CRADD: variants seen among roughly 807,000 people sequenced by gnomAD.
CRADD encodes CARD and death domain containing adaptor protein.
In CRADD, 9 loss-of-function variants were observed where a neutral mutation model predicts 15.5. The observed-to-expected ratio is 0.58, with a 90% confidence interval of 0.35 to 1.01. CRADD has a LOEUF of 1.01. Among genes scored for constraint, CRADD ranks in the 50% least tolerant of loss-of-function variants. The probability of loss-of-function intolerance (pLI) is 0.02; values close to 1 mark genes in which losing one functional copy is unlikely to be tolerated. For synonymous variants in CRADD, 118 were observed against 107.6 expected (o/e 1.10, Z -0.60); for missense variants, 227 against 250.3 (o/e 0.91, Z 0.63).
chr12:93,792,568 C>T (rs1237727793), intron 2 of CRADD, among the ~76,000 whole-genome samples: 2 of 152,118 alleles, frequency 1.3e-5, no homozygotes, highest in Admixed American at 1.3e-4. Flanking sequence ...TCTCTCAGAA[C>T]CCTGGTGTCA....
In CRADD at chr12:93,729,624, A is replaced by G. The variant is rs181553600; in HGVS notation, c.298+50552A>G. ...AACATGGAGAAACCCCATCTCTACT[A>G]AAAATACAGAATTACCCTGGCGTGG... On this transcript the variant is annotated intron_variant, in intron 2 of 2. Transcript: ENST00000332896. 5.9e-5 allele frequency among the ~76,000 whole-genome samples: 9 copies of G among 152,116 alleles called. No individual in the cohort carries two copies. The East Asian group carries it at 1.5e-3, about 26-fold the overall frequency.
At chr12:93,736,580 G>A (rs1279020026) in intron 2 of CRADD, among the ~76,000 whole-genome samples, 1 of 152,214 alleles carries the variant, frequency 6.6e-6, no homozygotes, top group Non-Finnish European at 1.5e-5. Context: ...TATGATAAAT[G>A]TTGGTAAATC....
chr12:93,728,444 G>A (rs1956407182), intron 2 of CRADD, among the ~76,000 whole-genome samples: 1 of 152,170 alleles, frequency 6.6e-6, no homozygotes, highest in African/African-American at 2.4e-5. Context: ...TAGTAAATAC[G>A]TCAATATCAC....
chr12:93,874,888 A>T (rs1173004516), intron 2 of CRADD, among the ~76,000 whole-genome samples: 1 of 152,106 alleles, frequency 6.6e-6, no homozygotes, highest in Admixed American at 6.5e-5. Context: ...AAAAACGTGT[A>T]TTCTGTAGCC....
intron 2 of CRADD, among the ~76,000 whole-genome samples, chr12:93,818,299 T>C (rs1404535691): frequency 1.3e-5 from 2 of 152,200 alleles, no homozygotes; most frequent in Admixed American, 6.5e-5. Flanking sequence ...TAAGTATTTA[T>C]ATTTGAAGAA....
chr12:93,774,568 G>C (rs533282463), intron 2 of CRADD, among the ~76,000 whole-genome samples: 4 of 152,182 alleles, frequency 2.6e-5, no homozygotes, highest in Non-Finnish European at 4.4e-5. Flanking sequence ...GAGGTGGGAG[G>C]GGGGTTAAGG....
At chr12:93,779,861 T>C (rs1427653062) in intron 2 of CRADD, among the ~76,000 whole-genome samples, 1 of 152,172 alleles carries the variant, frequency 6.6e-6, no homozygotes, top group South Asian at 2.1e-4. Context: ...AGTGCTGGGA[T>C]TACAGGCATG....
At chr12:93,852,507 C>A (rs1392864917), downstream of CRADD, among the ~76,000 whole-genome samples, 1 of 152,356 alleles carries the variant, frequency 6.6e-6, no homozygotes, top group East Asian at 1.9e-4. Flanking sequence ...GTGTCTTCAC[C>A]ACCAAATGGC....
intron 2 of CRADD, among the ~76,000 whole-genome samples, chr12:93,816,780 G>A (rs1377617683): frequency 6.6e-6 from 1 of 152,196 alleles, no homozygotes; most frequent in Non-Finnish European, 1.5e-5. Context: ...GACAATGGAT[G>A]GGGAACGGGG....
chr12:93,722,890 G>T (rs1205805493), intron 2 of CRADD, among the ~76,000 whole-genome samples: 1 of 152,102 alleles, frequency 6.6e-6, no homozygotes, highest in Non-Finnish European at 1.5e-5. Context: ...TTTCTTGATA[G>T]CTGGGCATGA....
chr12:93,750,206 CT>C lies in CRADD; in HGVS notation c.298+71139del, dbSNP rs561491301. 4.2e-3 allele frequency among the ~76,000 whole-genome samples: 564 copies of C among 133,160 alleles called. 3 individuals carry two copies. The highest frequency in any genetic ancestry group is 0.014 in the African/African-American group (503 of 34,722). The allele number at this position is 133,160 out of a possible 152,430, so 87.4% of individuals were successfully genotyped here. A position where few individuals can be genotyped will look rare whatever the true frequency, so the allele number is the denominator to read the frequency against. On this transcript the variant is annotated intron_variant, in intron 2 of 2. Coordinates refer to ENST00000332896, the MANE Select transcript of CRADD (RefSeq NM_003805.5). Reference sequence around the variant, plus strand: ...ACCTCAGATCCAGCCTCTATTCTGGCTTTTTAGTAGGCGAGTTCTTCAAGGG... The same window carrying C: ...ACCTCAGATCCAGCCTCTATTCTGGCTTTTAGTAGGCGAGTTCTTCAAGGG...
intron 2 of CRADD, among the ~76,000 whole-genome samples, chr12:93,730,403 G>A (rs1323573690): frequency 6.6e-6 from 1 of 152,220 alleles, no homozygotes; most frequent in Admixed American, 6.5e-5. Flanking sequence ...CATAGCCAGG[G>A]AAGATCAGAG....
intron 1 of CRADD, among the ~76,000 whole-genome samples, chr12:93,678,283 G>T (rs1400987181): frequency 1.3e-5 from 2 of 152,178 alleles, no homozygotes; most frequent in Non-Finnish European, 2.9e-5. Context: ...TACTGATCAG[G>T]TTTTGCAAAT....
At chr12:93,839,761 G>A (rs1958026202) in intron 2 of CRADD, among the ~76,000 whole-genome samples, 1 of 152,030 alleles carries the variant, frequency 6.6e-6, no homozygotes, top group Non-Finnish European at 1.5e-5. Flanking sequence ...GTTTCCTGTG[G>A]AGGTTCTTAC....
chr12:93,770,660 G>A (rs2136960249), intron 2 of CRADD, among the ~76,000 whole-genome samples: 1 of 152,246 alleles, frequency 6.6e-6, no homozygotes, highest in Non-Finnish European at 1.5e-5. Flanking sequence ...TCTTCCACTG[G>A]TGTATTTCCC....
chr12:93,730,717 CTTTTT>C (rs566237726), intron 2 of CRADD, among the ~76,000 whole-genome samples: 3 of 127,172 alleles, frequency 2.4e-5, no homozygotes, highest in Admixed American at 7.9e-5. Flanking sequence ...CCTTCATTTA[CTTTTT>C]TTTTTTTTTT....
intron 2 of CRADD, among the ~76,000 whole-genome samples, chr12:93,884,721 G>A (rs1051906805): frequency 1.3e-4 from 20 of 152,008 alleles, no homozygotes; most frequent in African/African-American, 4.4e-4. Flanking sequence ...CTATGTGCCC[G>A]TGAGCCTAAT....
intron 2 of CRADD, among the ~76,000 whole-genome samples, chr12:93,770,344 G>T (rs1439879455): frequency 1.3e-5 from 2 of 151,936 alleles, no homozygotes; most frequent in Non-Finnish European, 2.9e-5. Flanking sequence ...TGATCCGCCC[G>T]CCTCGGCCTC....
At chr12:93,750,069 C>T (rs1228705603) in intron 2 of CRADD, among the ~76,000 whole-genome samples, 1 of 152,148 alleles carries the variant, frequency 6.6e-6, no homozygotes, top group Non-Finnish European at 1.5e-5. Flanking sequence ...ACTGTTTTAG[C>T]AGGGCTACTT....
Sources: gnomAD v4.1 joint callset for allele counts (sites outside exome capture counted in the v4.1 genomes callset) on GRCh38, gnomAD v4.1.1 for gene constraint, MANE v1.5 for transcripts, NCBI Gene and HGNC (gene_info 2026-07-23, HGNC 2026-07-21) for gene names.